The following BAG4 variants were observed in gnomAD, a reference collection of about 807,000 sequenced individuals.
The protein encoded by BAG4 is BAG cochaperone 4.
Under a neutral mutation model 52.1 loss-of-function variants are expected in BAG4, and 28 were observed. The ratio of observed to expected loss-of-function variants is 0.54; its 90% CI spans 0.40 to 0.74. The LOEUF is 0.74. Among genes scored for constraint, BAG4 ranks in the 30% least tolerant of loss-of-function variants. The probability of loss-of-function intolerance (pLI) is 0.00; values close to 1 mark genes in which losing one functional copy is unlikely to be tolerated. For synonymous variants in BAG4, 208 were observed against 217.0 expected (o/e 0.96, Z 0.37); for missense variants, 525 against 572.0 (o/e 0.92, Z 0.84).
chr8:38,206,747 G>A (rs1425000785), intron 2 of BAG4, among the ~76,000 whole-genome samples: 2 of 152,062 alleles, frequency 1.3e-5, no homozygotes, highest in Non-Finnish European at 2.9e-5. Flanking sequence ...GGCAGAGCTA[G>A]GTCTGTCTCT....
intron 2 of BAG4, among the ~76,000 whole-genome samples, chr8:38,193,541 A>G (rs1203835705): frequency 6.6e-6 from 1 of 152,118 alleles, no homozygotes; most frequent in East Asian, 1.9e-4. Context: ...AAGCCCAATG[A>G]CACTTCTTTT....
chr8:38,210,260 A>T lies in BAG4; in HGVS notation c.1141A>T (p.Lys381Ter), dbSNP rs1336921722. 6.2e-7 allele frequency: 1 copy of T among 1,614,182 alleles called. No homozygotes were observed. Among genetic ancestry groups the T allele is most frequent in the African/African-American group, 1.3e-5 (1 of 75,038 alleles). ...AGATGAAAGTACTCCTCCGAGTATT[A>T]AAAAAATCATACATGTGCTGGAGAA... ...PSDESTPPSI[K>*]KIIHVLEKVQ... The change falls in exon 5 of 5, where the codon AAA becomes TAA. Residue 381 changes from lysine (K) to a stop codon, truncating the protein, a stop_gained. Transcript: ENST00000287322. LOFTEE classifies it high-confidence loss of function.
Position 38,211,026 on chromosome 8 carries a change from T to G in BAG4, c.*533T>G, listed in dbSNP as rs1803859257. On this transcript the variant is annotated 3_prime_UTR_variant, in exon 5 of 5. Coordinates refer to ENST00000287322, the MANE Select transcript of BAG4 (RefSeq NM_004874.4). ...AAATATAGTATTATTCTCTACTTCT[T>G]GGTACATTTTGTAGTAATATGTTTA... is the stretch of plus-strand genomic sequence containing the variant. 1 of 152,816 alleles carries G rather than the reference T, an allele frequency of 6.5e-6. No homozygotes were observed. Among genetic ancestry groups the G allele is most frequent in the South Asian group, 2.1e-4 (1 of 4,838 alleles). The allele number at this position is 152,816 out of a possible 1,614,324, so 9.5% of individuals were successfully genotyped here. A position where few individuals can be genotyped will look rare whatever the true frequency, so the allele number is the denominator to read the frequency against.
chr8:38,177,827 A>G (rs922753693), intron 1 of BAG4, among the ~76,000 whole-genome samples: 4 of 151,986 alleles, frequency 2.6e-5, no homozygotes, highest in African/African-American at 9.7e-5. Flanking sequence ...CCTGCCGGAC[A>G]TATACTTCTG....
chr8:38,209,555 C>T (rs1195456692), intron 4 of BAG4: 2 of 445,192 alleles, frequency 4.5e-6, no homozygotes, highest in Non-Finnish European at 7.9e-6. Context: ...CATTTTACTA[C>T]TTCAAATAAT....
chr8:38,206,477 CAG>C (rs1803771213), intron 2 of BAG4, among the ~76,000 whole-genome samples: 1 of 151,876 alleles, frequency 6.6e-6, no homozygotes, highest in African/African-American at 2.4e-5. Flanking sequence ...ATTTGGGATG[CAG>C]AGTGATGGTG....
At chr8:38,177,504 C>G (rs926294717) in intron 1 of BAG4, among the ~76,000 whole-genome samples, 12 of 152,186 alleles carry the variant, frequency 7.9e-5, no homozygotes, top group Admixed American at 3.3e-4. Flanking sequence ...GGCCGGCTCT[C>G]CCGGGGAAGG....
rs182610078 is a variant in BAG4 at position 38,191,353 on chromosome 8, G to A, written c.271-1335G>A. 2.4e-3 allele frequency among the ~76,000 whole-genome samples: 361 copies of A among 152,294 alleles called. 1 individual carries two copies. The highest frequency in any genetic ancestry group is 4.2e-3 in the Non-Finnish European group (287 of 68,028). ...AAGTATTATGAAATGGATAAGTAGT[G>A]CAGTTAAGCTAATAGTGATAATCTC... On this transcript the variant is annotated intron_variant, in intron 1 of 4. Transcript: ENST00000287322.
Position 38,211,869 on chromosome 8 carries a change from A to T in BAG4, c.*1376A>T, listed in dbSNP as rs980394130. The T allele has an allele frequency of 1.3e-5, 2 of 152,122 alleles. No homozygotes were observed. Among genetic ancestry groups the T allele is most frequent in the African/African-American group, 2.4e-5 (1 of 41,450 alleles). The allele number at this position is 152,122 out of a possible 1,614,324, so 9.4% of individuals were successfully genotyped here. On this transcript the variant is annotated 3_prime_UTR_variant, in exon 5 of 5. Transcript: ENST00000287322. ...TTAGGTAAATAACTTTTTATGTCTG[A>T]GGTGAGTACACAATATTGGTTCTTG...
At chr8:38,187,919 C>A (rs1053600842) in intron 1 of BAG4, among the ~76,000 whole-genome samples, 1 of 149,232 alleles carries the variant, frequency 6.7e-6, no homozygotes, top group African/African-American at 2.5e-5. Flanking sequence ...CGCCTGTAGT[C>A]CCAGCTACTT....
rs536789972 is a variant in BAG4, at chr8:38,209,528, C to T, written c.888+261C>T. ...TTCTGTTTGTTGTAATTCTTCTAAA[C>T]GTTAAATGCAAAGATGCATTTTACT... On this transcript the variant is annotated intron_variant, in intron 4 of 4. Transcript: ENST00000287322. 1.3e-3 allele frequency: 642 copies of T among 492,036 alleles called. 3 individuals carry two copies. Among genetic ancestry groups the T allele is most frequent in the African/African-American group, 0.011 (580 of 50,990 alleles). The allele number at this position is 492,036 out of a possible 1,614,324, so 30.5% of individuals were successfully genotyped here. A position where few individuals can be genotyped will look rare whatever the true frequency, so the allele number is the denominator to read the frequency against.
At chr8:38,179,548 C>T (rs903190439) in intron 1 of BAG4, among the ~76,000 whole-genome samples, 2 of 151,116 alleles carry the variant, frequency 1.3e-5, no homozygotes, top group Admixed American at 6.6e-5. Flanking sequence ...GGCGGATCAC[C>T]TGAGGTCAGG....
chr8:38,187,802 C>T (rs1301964948), intron 1 of BAG4, among the ~76,000 whole-genome samples: 1 of 145,308 alleles, frequency 6.9e-6, no homozygotes, highest in Non-Finnish European at 1.5e-5. Flanking sequence ...GTGGGCAGAT[C>T]ACAAGGTCAG....
chr8:38,191,423 C>T (rs1211225870), intron 1 of BAG4, among the ~76,000 whole-genome samples: 4 of 152,136 alleles, frequency 2.6e-5, no homozygotes, highest in African/African-American at 9.7e-5. Flanking sequence ...AAATCATATT[C>T]AAAGTTTTAG....
At position 38,192,836 on chromosome 8, in the gene BAG4, T is replaced by G. The variant is rs760297054; in HGVS notation, c.378+41T>G. ...AGAGACTTTCTGAACTTTTTCTTAA[T>G]GAATAGATTTATTTTCAAAACCTGT... On this transcript the variant is annotated intron_variant, in intron 2 of 4. Coordinates refer to ENST00000287322, the MANE Select transcript of BAG4 (RefSeq NM_004874.4). 4 of 1,454,870 alleles carry G rather than the reference T, an allele frequency of 2.7e-6. No individual in the cohort carries two copies. In the African/African-American group the frequency reaches 5.7e-5, roughly 21 times the overall value. 90.1% of individuals were successfully genotyped at this position (1,454,870 alleles called of 1,614,324 possible).
At chr8:38,208,106 A>G (rs1803804299) in intron 3 of BAG4, among the ~76,000 whole-genome samples, 1 of 149,978 alleles carries the variant, frequency 6.7e-6, no homozygotes, top group Admixed American at 6.7e-5. Context: ...CCTCCCAAGT[A>G]GCTGGGATTA....
At chr8:38,201,870 ATATATATATATTTTTTTTTTTTTTT>A (rs1803678679) in intron 2 of BAG4, 2 of 5,598 alleles carry the variant, frequency 3.6e-4, no homozygotes, top group East Asian at 5.9e-3. Flanking sequence ...ATATATATAT[ATATATATATATTTTTTTTTTTTTTT>A]TTTTTTTTTT....
intron 1 of BAG4, among the ~76,000 whole-genome samples, chr8:38,180,941 AT>A (rs56111009): frequency 0.013 from 1,785 of 138,236 alleles, 42 homozygotes; most frequent in East Asian, 0.12. Context: ...ATCTATCACT[AT>A]TTTTTTTTTT....
rs958342481 is a variant in BAG4, at chr8:38,176,863, G to A, written c.-7G>A. 4.7e-6 allele frequency: 7 copies of A among 1,498,898 alleles called. No individual in the cohort carries two copies. Among genetic ancestry groups the A allele is most frequent in the African/African-American group, 2.8e-5 (2 of 70,662 alleles). The allele number at this position is 1,498,898 out of a possible 1,614,324, so 92.8% of individuals were successfully genotyped here. On this transcript the variant is annotated 5_prime_UTR_variant, in exon 1 of 5. Coordinates refer to ENST00000287322, the MANE Select transcript of BAG4 (RefSeq NM_004874.4). The stretch of plus-strand genomic sequence containing the variant: ...GGGGCGGGAAGCGCTTCAGGGCAGC[G>A]GATCCCATGTCGGCCCTGAGGCGCT...
Sources: allele counts gnomAD v4.1 joint callset (sites outside exome capture counted in the v4.1 genomes callset), GRCh38; gene constraint gnomAD v4.1.1; transcripts MANE v1.5; gene names NCBI Gene and HGNC (gene_info 2026-07-23, HGNC 2026-07-21).